The following TRDN variants were observed in gnomAD, a reference collection of about 807,000 sequenced individuals.
The protein encoded by TRDN is triadin in skeletal muscle.
A neutral mutation model predicts 149.7 loss-of-function variants in TRDN; 161 were observed. That is an observed-to-expected ratio of 1.08 (90% CI 0.95 to 1.23). The LOEUF is 1.23. Ranked by LOEUF, TRDN falls within the 50% of genes most tolerant of loss-of-function variation. TRDN has a pLI of 0.00. For missense variants in TRDN, 896 were observed against 823.5 expected, an observed-to-expected ratio of 1.09 and a Z score of -1.08; for synonymous variants, 294 against 250.5, an observed-to-expected ratio of 1.17 and a Z score of -1.64.
chr6:123,467,688 C>T (rs755260726), intron 9 of TRDN, among the ~76,000 whole-genome samples: 25 of 152,170 alleles, frequency 1.6e-4, no homozygotes, highest in Non-Finnish European at 3.1e-4. Context: ...ACATGACACA[C>T]GACTTTGGTC....
At chr6:123,560,661 C>T (rs973360387) in intron 2 of TRDN, among the ~76,000 whole-genome samples, 2 of 152,306 alleles carry the variant, frequency 1.3e-5, no homozygotes, top group African/African-American at 2.4e-5. Context: ...TTCTATCCCT[C>T]GTGCAGATTT....
intron 19 of TRDN, among the ~76,000 whole-genome samples, chr6:123,371,378 A>T (rs1781322150): frequency 6.6e-6 from 1 of 152,062 alleles, no homozygotes; most frequent in Admixed American, 6.6e-5. Flanking sequence ...ATGTATTTTA[A>T]GTCTCTTTTT....
intron 20 of TRDN, among the ~76,000 whole-genome samples, chr6:123,362,269 C>T (rs1414302393): frequency 6.6e-6 from 1 of 152,102 alleles, no homozygotes; most frequent in Non-Finnish European, 1.5e-5. Flanking sequence ...ACACTTTTCA[C>T]TACATTGTTG....
At chr6:123,513,927 G>C (rs1436581260) in intron 6 of TRDN, among the ~76,000 whole-genome samples, 2 of 152,016 alleles carry the variant, frequency 1.3e-5, no homozygotes, top group Non-Finnish European at 1.5e-5. Flanking sequence ...GCATACTCTG[G>C]ATGCATAAAT....
intron 1 of TRDN, among the ~76,000 whole-genome samples, chr6:123,605,171 A>G (rs946832078): frequency 6.6e-6 from 1 of 151,040 alleles, no homozygotes; most frequent in Non-Finnish European, 1.5e-5. Flanking sequence ...GTTGCCTTCT[A>G]TCCTCATTTT....
intron 38 of TRDN, among the ~76,000 whole-genome samples, chr6:123,236,576 T>C (rs749841537): frequency 3.3e-5 from 5 of 152,212 alleles, no homozygotes; most frequent in Non-Finnish European, 7.4e-5. Flanking sequence ...ATTTCATGTT[T>C]TACATTTAGA....
intron 23 of TRDN, among the ~76,000 whole-genome samples, chr6:123,327,920 T>C (rs1363470045): frequency 6.6e-6 from 1 of 152,244 alleles, no homozygotes; most frequent in Non-Finnish European, 1.5e-5. Context: ...TTTGTAATGC[T>C]ATATAAATGC....
intron 1 of TRDN, among the ~76,000 whole-genome samples, chr6:123,572,966 C>T (rs1052863426): frequency 6.6e-6 from 1 of 151,968 alleles, no homozygotes; most frequent in Non-Finnish European, 1.5e-5. Flanking sequence ...TAGAATGTGT[C>T]CAATAATAAT....
At chr6:123,429,743 G>T (rs1774256914) in intron 12 of TRDN, among the ~76,000 whole-genome samples, 1 of 152,002 alleles carries the variant, frequency 6.6e-6, no homozygotes, top group Admixed American at 6.6e-5. Context: ...TATGATATTT[G>T]CAAGAGACTA....
chr6:123,529,077 C>A (rs1020512119), intron 5 of TRDN: 140 of 1,435,688 alleles, frequency 9.8e-5, no homozygotes, highest in Non-Finnish European at 1.2e-4. Flanking sequence ...TCTAATATAG[C>A]CAGGTCCAAA....
chr6:123,529,305 G>T, intron 5 of TRDN: 1 of 1,548,758 alleles, frequency 6.5e-7, no homozygotes, highest in Non-Finnish European at 8.7e-7. Context: ...TGTGATCAAA[G>T]GAATTAAGAA....
At chr6:123,437,626 AAGAAAGATAGT>A (rs146005017) in intron 12 of TRDN, among the ~76,000 whole-genome samples, 4,241 of 152,090 alleles carry the variant, frequency 0.028, 188 homozygotes, top group African/African-American at 0.097. Flanking sequence ...TGTAATCATC[AAGAAAGATAGT>A]GCCCCATCTC....
chr6:123,232,449 G>T (rs1178516820), intron 38 of TRDN, among the ~76,000 whole-genome samples: 1 of 151,964 alleles, frequency 6.6e-6, no homozygotes, highest in Non-Finnish European at 1.5e-5. Flanking sequence ...AGAGTAGAGA[G>T]AAATTGCTAG....
intron 10 of TRDN, among the ~76,000 whole-genome samples, chr6:123,448,056 G>A (rs1475789783): frequency 1.1e-4 from 17 of 152,216 alleles, no homozygotes; most frequent in Admixed American, 1.0e-3. Context: ...GCAAAATGCA[G>A]GGGCAGAGGA....
intron 10 of TRDN, among the ~76,000 whole-genome samples, chr6:123,446,009 G>A (rs540691552): frequency 2.3e-4 from 34 of 148,982 alleles, no homozygotes; most frequent in African/African-American, 8.2e-4. Flanking sequence ...ATGATAGACC[G>A]GATTAAGAAA....
intron 14 of TRDN, among the ~76,000 whole-genome samples, chr6:123,386,787 C>T (rs933174925): frequency 7.9e-5 from 12 of 152,164 alleles, no homozygotes; most frequent in African/African-American, 2.7e-4. Flanking sequence ...TTATCTGGCC[C>T]CTTTTGTTTG....
intron 12 of TRDN, among the ~76,000 whole-genome samples, chr6:123,410,234 A>G (rs971556411): frequency 6.6e-6 from 1 of 152,330 alleles, no homozygotes; most frequent in South Asian, 2.1e-4. Flanking sequence ...GATGACCTGA[A>G]CTAAGACAAA....
intron 6 of TRDN, among the ~76,000 whole-genome samples, chr6:123,513,694 T>TTATAATTGTTATAATATATAATTA (rs1779282343): frequency 6.6e-6 from 1 of 152,140 alleles, no homozygotes; most frequent in Non-Finnish European, 1.5e-5. Context: ...TAACAATTAT[T>TTATAATTGTTATAATATATAATTA]TAACTGAAAT....
chr6:123,494,130 A>G (rs1214988627), intron 9 of TRDN, among the ~76,000 whole-genome samples: 1 of 152,200 alleles, frequency 6.6e-6, no homozygotes, highest in South Asian at 2.1e-4. Context: ...TAAGAATTCA[A>G]TTAGTAAGTC....
Sources: allele counts gnomAD v4.1 joint callset (sites outside exome capture counted in the v4.1 genomes callset), GRCh38; gene constraint gnomAD v4.1.1; transcripts MANE v1.5; gene names NCBI Gene and HGNC (gene_info 2026-07-23, HGNC 2026-07-21).